PRICKLE1: variants seen among roughly 807,000 people sequenced by gnomAD.
The protein encoded by PRICKLE1 is prickle planar cell polarity protein 1, also known as prickle-like protein 1.
A neutral mutation model predicts 70.2 loss-of-function variants in PRICKLE1; 14 were observed. The ratio of observed to expected loss-of-function variants is 0.20; its 90% CI spans 0.13 to 0.31. The LOEUF is 0.31. Among genes scored for constraint, PRICKLE1 ranks in the 10% least tolerant of loss-of-function variants. The pLI is 1.00. For synonymous variants in PRICKLE1, 357 were observed against 379.9 expected (o/e 0.94, Z 0.70); for missense variants, 821 against 1,026.2 (o/e 0.80, Z 2.73).
chr12:42,559,942 A>G (rs1256617687), intron 1 of PRICKLE1, among the ~76,000 whole-genome samples: 1 of 151,944 alleles, frequency 6.6e-6, no homozygotes, highest in Non-Finnish European at 1.5e-5. Context: ...TTATAGGCAA[A>G]TGAAACAATC....
Position 42,466,195 on chromosome 12 carries a change from A to G in PRICKLE1, c.774T>C (p.Ile258=). ...AEYCETCGEH[I]GVDHAQMTYD... ...CAGACGGGCTGGCTGTGGACTTACC[A>G]ATATGTTCCCCACAGGTTTCACAGT... The change falls in exon 6 of 8, where the codon ATT becomes ATC. Residue 258 remains isoleucine, a splice_region_variant and synonymous_variant. Transcript: ENST00000345127. The G allele has an allele frequency of 3.1e-6, 5 of 1,614,230 alleles. No homozygotes were observed. The highest frequency in any genetic ancestry group is 2.2e-5 in the East Asian group (1 of 44,892).
At chr12:42,533,118 T>C (rs1939950209) in intron 1 of PRICKLE1, among the ~76,000 whole-genome samples, 1 of 152,152 alleles carries the variant, frequency 6.6e-6, no homozygotes, top group Non-Finnish European at 1.5e-5. Flanking sequence ...TTTCTAATTG[T>C]ATGCTTTAAA....
At chr12:42,498,223 A>T (rs1257399865) in intron 1 of PRICKLE1, among the ~76,000 whole-genome samples, 1 of 148,140 alleles carries the variant, frequency 6.8e-6, no homozygotes, top group Non-Finnish European at 1.5e-5. Flanking sequence ...CCCAGGCTAG[A>T]ATGCGGTGGT....
intron 1 of PRICKLE1, among the ~76,000 whole-genome samples, chr12:42,477,387 C>CAA (rs1188998822): frequency 1.7e-3 from 138 of 81,854 alleles, no homozygotes; most frequent in African/African-American, 6.9e-3. Flanking sequence ...CAAAACAAAA[C>CAA]AAAATATATA....
At chr12:42,522,964 T>A (rs1056065834) in intron 1 of PRICKLE1, among the ~76,000 whole-genome samples, 16 of 36,520 alleles carry the variant, frequency 4.4e-4, no homozygotes, top group East Asian at 2.4e-3. Flanking sequence ...TCTAACATAT[T>A]TTTTTTTTTT....
intron 5 of PRICKLE1, among the ~76,000 whole-genome samples, chr12:42,467,455 G>T (rs1327905180): frequency 6.6e-6 from 1 of 152,066 alleles, no homozygotes; most frequent in Non-Finnish European, 1.5e-5. Context: ...TCCAAAATAT[G>T]TTCAGCGGAG....
intron 1 of PRICKLE1, chr12:42,584,468 G>A (rs1289124477): frequency 6.6e-6 from 1 of 151,900 alleles, no homozygotes; most frequent in Non-Finnish European, 1.5e-5. Context: ...CTTGCTCAAA[G>A]AAAATGGCTA....
At chr12:42,552,675 G>A (rs906211168) in intron 1 of PRICKLE1, among the ~76,000 whole-genome samples, 3 of 152,210 alleles carry the variant, frequency 2.0e-5, no homozygotes, top group Non-Finnish European at 4.4e-5. Context: ...GGCACAGAGC[G>A]CTGTGAGTAG....
Position 42,552,089 on chromosome 12 carries a change from C to T in PRICKLE1, c.-49+37376G>A, listed in dbSNP as rs1940328451. 2.2e-5 allele frequency among the ~76,000 whole-genome samples: 3 copies of T among 137,244 alleles called. No homozygotes were observed. The South Asian group carries it at 7.3e-4, about 33-fold the overall frequency. The allele number at this position is 137,244 out of a possible 152,430, so 90.0% of individuals were successfully genotyped here. A position where few individuals can be genotyped will look rare whatever the true frequency, so the allele number is the denominator to read the frequency against. On this transcript the variant is annotated intron_variant, in intron 1 of 7. Coordinates refer to ENST00000345127, the MANE Select transcript of PRICKLE1 (RefSeq NM_153026.3). ...TTTTTTTTTTTTTTTTTTTTGGAGA[C>T]AGGCTCTCACTCTGTTGTCTAGGCT...
intron 1 of PRICKLE1, among the ~76,000 whole-genome samples, chr12:42,578,971 C>T (rs1232365620): frequency 6.6e-6 from 1 of 152,074 alleles, no homozygotes; most frequent in African/African-American, 2.4e-5. Context: ...CTATGTTAGC[C>T]AGGCTGGTGT....
chr12:42,465,356 T>C, intron 6 of PRICKLE1, 98 bp from the exon 7 acceptor site: 1 of 1,181,572 alleles, frequency 8.5e-7, no homozygotes, highest in Non-Finnish European at 1.2e-6. Flanking sequence ...ATTATGGGTA[T>C]GGGGGAGCTG....
chr12:42,550,281 C>A (rs1002621962), intron 1 of PRICKLE1: 1 of 152,290 alleles, frequency 6.6e-6, no homozygotes, highest in Non-Finnish European at 1.5e-5. Context: ...TGCAGTGAGC[C>A]ATGATCGCGC....
intron 1 of PRICKLE1, among the ~76,000 whole-genome samples, chr12:42,497,473 C>A (rs978138071): frequency 1.4e-5 from 2 of 143,742 alleles, no homozygotes; most frequent in East Asian, 4.2e-4. Context: ...GGCGTGAACC[C>A]GGGAGGCAGA....
chr12:42,576,160 G>A (rs1163583649), intron 1 of PRICKLE1, among the ~76,000 whole-genome samples: 1 of 152,136 alleles, frequency 6.6e-6, no homozygotes, highest in Non-Finnish European at 1.5e-5. Flanking sequence ...ATAAAAATGG[G>A]AAAGCTTAAC....
intron 1 of PRICKLE1, among the ~76,000 whole-genome samples, chr12:42,582,087 C>G (rs1166446026): frequency 6.6e-6 from 1 of 152,206 alleles, no homozygotes; most frequent in African/African-American, 2.4e-5. Flanking sequence ...GCTTTTAACA[C>G]TTTTGGCAGT....
intron 1 of PRICKLE1, among the ~76,000 whole-genome samples, chr12:42,544,307 A>G (rs1197687762): frequency 1.3e-5 from 2 of 152,242 alleles, no homozygotes; most frequent in Admixed American, 1.3e-4. Flanking sequence ...TATGTAAAGT[A>G]TAGCTAATTA....
rs562191537 is a variant in PRICKLE1 at position 42,534,679 on chromosome 12, A to T, written c.-49+54786T>A. On this transcript the variant is annotated intron_variant, in intron 1 of 7. Transcript: ENST00000345127. ...GGGATCTGCTGACTCTGGAGTCAGG[A>T]CTCTTCCTCTCTTTGGCAGAGTCTC... Among the ~76,000 whole-genome samples, 5 of 152,104 alleles carry T rather than the reference A, an allele frequency of 3.3e-5. No homozygotes were observed. The East Asian group carries it at 9.7e-4, about 30-fold the overall frequency.
Position 42,472,305 on chromosome 12 carries a change from A to G in PRICKLE1, c.132+80T>C. The G allele has an allele frequency of 4.7e-6, 7 of 1,477,352 alleles. No homozygotes were observed. The South Asian group carries it at 8.1e-5, about 17-fold the overall frequency. 91.5% of individuals were successfully genotyped at this position (1,477,352 alleles called of 1,614,324 possible). On this transcript the variant is annotated intron_variant, in intron 2 of 7. Transcript: ENST00000345127. ...TATTCCAGCATCTCAGTGATGTTCT[A>G]TCCATTTACAAAATAATGTTCTAAA...
At chr12:42,555,807 A>T (rs893429203) in intron 1 of PRICKLE1, among the ~76,000 whole-genome samples, 1 of 152,214 alleles carries the variant, frequency 6.6e-6, no homozygotes, top group African/African-American at 2.4e-5. Flanking sequence ...TTATTTCTGC[A>T]TAGCATTTTC....
Sources: allele counts gnomAD v4.1 joint callset (sites outside exome capture counted in the v4.1 genomes callset), GRCh38; gene constraint gnomAD v4.1.1; transcripts MANE v1.5; gene names NCBI Gene and HGNC (gene_info 2026-07-23, HGNC 2026-07-21).